The following SREBF2 variants were observed in gnomAD, a reference collection of about 807,000 sequenced individuals.
SREBF2 encodes sterol regulatory element-binding protein 2.
In SREBF2, 55 loss-of-function variants were observed where a neutral mutation model predicts 113.1. The ratio of observed to expected loss-of-function variants is 0.49; its 90% CI spans 0.39 to 0.61. The LOEUF (loss-of-function observed/expected upper bound fraction) is 0.61. Among genes scored for constraint, SREBF2 ranks in the 20% least tolerant of loss-of-function variants. The pLI is 0.00. For synonymous variants in SREBF2, 593 were observed against 605.7 expected, an observed-to-expected ratio of 0.98 and a Z score of 0.31; for missense variants, 1,349 against 1,487.4, an observed-to-expected ratio of 0.91 and a Z score of 1.53.
At chr22:41,902,827 G>A (rs965490416) in intron 16 of SREBF2, 143 bp from the exon 17 acceptor site, 23 of 899,572 alleles carry the variant, frequency 2.6e-5, no homozygotes, top group Non-Finnish European at 3.9e-5. Context: ...CACGTCCTGC[G>A]GAGTTCACCA....
chr22:41,855,913 G>C (rs73163382), intron 1 of SREBF2, among the ~76,000 whole-genome samples: 4,171 of 150,976 alleles, frequency 0.028, 96 homozygotes, highest in Admixed American at 0.071. Flanking sequence ...GTGCCACGAG[G>C]CCTGACCAAG....
chr22:41,884,328 G>C (rs539531931), intron 10 of SREBF2, among the ~76,000 whole-genome samples: 4 of 152,176 alleles, frequency 2.6e-5, no homozygotes, highest in Non-Finnish European at 5.9e-5. Context: ...GTAGAGATGG[G>C]GTTTCACTGT....
chr22:41,835,638 A>AT (rs1227521913), intron 1 of SREBF2, among the ~76,000 whole-genome samples: 2 of 141,256 alleles, frequency 1.4e-5, no homozygotes, highest in Non-Finnish European at 3.1e-5. Flanking sequence ...GAGCCACCTA[A>AT]TTTTTTTTAG....
In SREBF2 at chr22:41,868,334, T is replaced by G. The variant is rs1384950645; in HGVS notation, c.539-277T>G. ...TGATTCTCAACATCTGTTAACTCCCTTGCTGGGTGCAGTCATTTGCTGATT... is the reference window on the plus strand; with the variant it reads ...TGATTCTCAACATCTGTTAACTCCCGTGCTGGGTGCAGTCATTTGCTGATT... On this transcript the variant is annotated intron_variant, in intron 2 of 18. Transcript: ENST00000361204. Among the ~76,000 whole-genome samples the G allele has an allele frequency of 2.6e-5, 4 of 152,290 alleles. No individual in the cohort carries two copies. The East Asian group carries it at 7.7e-4, about 29-fold the overall frequency.
intron 1 of SREBF2, among the ~76,000 whole-genome samples, chr22:41,862,272 G>C (rs1293470478): frequency 1.3e-5 from 2 of 152,194 alleles, no homozygotes; most frequent in Admixed American, 6.5e-5. Context: ...TCATGGGGCT[G>C]CTTGCAATGC....
At chr22:41,870,534 C>T (rs777219645) in intron 3 of SREBF2, among the ~76,000 whole-genome samples, 11 of 148,678 alleles carry the variant, frequency 7.4e-5, no homozygotes, top group Non-Finnish European at 1.2e-4. Context: ...GCTGAGGCAG[C>T]AGGATCACTT....
intron 8 of SREBF2, 66 bp downstream of exon 8, chr22:41,877,487 G>T: frequency 6.4e-7 from 1 of 1,567,442 alleles, no homozygotes; most frequent in Non-Finnish European, 8.7e-7. Context: ...AGGACCCTGT[G>T]TACAAACTTC....
intron 1 of SREBF2, among the ~76,000 whole-genome samples, chr22:41,857,492 C>A (rs1272255755): frequency 6.6e-6 from 1 of 152,086 alleles, no homozygotes; most frequent in Non-Finnish European, 1.5e-5. Flanking sequence ...TCTTCTCATT[C>A]TGAATTGTTT....
At chr22:41,898,025 C>G (rs1189746002) in intron 14 of SREBF2, among the ~76,000 whole-genome samples, 2 of 152,164 alleles carry the variant, frequency 1.3e-5, no homozygotes, top group South Asian at 2.1e-4. Context: ...ACACTGCAGT[C>G]AAATATGTGT....
At chr22:41,854,647 T>A (rs2076961459) in intron 1 of SREBF2, among the ~76,000 whole-genome samples, 1 of 151,640 alleles carries the variant, frequency 6.6e-6, no homozygotes, top group Non-Finnish European at 1.5e-5. Context: ...GGCGGGCAGA[T>A]CACTTGAGGC....
chr22:41,867,981 G>A (rs1034306634), intron 2 of SREBF2, among the ~76,000 whole-genome samples: 2 of 152,148 alleles, frequency 1.3e-5, no homozygotes, highest in African/African-American at 4.8e-5. Context: ...TGATGAATAT[G>A]ACTTTTAATA....
Position 41,885,567 on chromosome 22 carries a change from G to T in SREBF2, c.2208+556G>T, listed in dbSNP as rs145453004. 8.2e-3 allele frequency: 1,373 copies of T among 168,022 alleles called. 10 individuals are homozygous for T. Among genetic ancestry groups the T allele is most frequent in the Middle Eastern group, 0.022 (7 of 324 alleles). The allele number at this position is 168,022 out of a possible 1,614,324, so 10.4% of individuals were successfully genotyped here. A position where few individuals can be genotyped will look rare whatever the true frequency, so the allele number is the denominator to read the frequency against. ...GGAGCTCAGGTCAGACGAGGGCAGG[G>T]ATTGTGGCTATCAAGCACCTCCCAT... On this transcript the variant is annotated intron_variant, in intron 11 of 18. Transcript: ENST00000361204.
intron 11 of SREBF2, among the ~76,000 whole-genome samples, chr22:41,890,712 A>G (rs1430808859): frequency 3.5e-4 from 53 of 151,710 alleles, no homozygotes; most frequent in Non-Finnish European, 2.9e-5. Context: ...CCAAGCCACC[A>G]GCGTGGCCAA....
chr22:41,879,744 A>G (rs190801376), intron 9 of SREBF2, among the ~76,000 whole-genome samples: 1 of 152,274 alleles, frequency 6.6e-6, no homozygotes, highest in East Asian at 1.9e-4. Context: ...ATTTACTTTC[A>G]TTTCCCAAGA....
At chr22:41,891,491 G>C (rs184274908) in intron 11 of SREBF2, 1 of 152,234 alleles carries the variant, frequency 6.6e-6, no homozygotes, top group African/African-American at 2.4e-5. Flanking sequence ...GACTCAGGCA[G>C]TGTCTCCAGG....
At chr22:41,867,909 C>CA (rs2077101359) in intron 2 of SREBF2, among the ~76,000 whole-genome samples, 1 of 152,320 alleles carries the variant, frequency 6.6e-6, no homozygotes, top group East Asian at 1.9e-4. Flanking sequence ...AGGCGGCAGC[C>CA]AGATCTCAGC....
At chr22:41,866,200 G>C (rs1399573855) in intron 1 of SREBF2, among the ~76,000 whole-genome samples, 1 of 152,148 alleles carries the variant, frequency 6.6e-6, no homozygotes, top group South Asian at 2.1e-4. Context: ...TGGTACCTTC[G>C]ACAGAACAGC....
chr22:41,895,976 CT>C (rs1372973547), intron 13 of SREBF2, among the ~76,000 whole-genome samples: 1 of 151,826 alleles, frequency 6.6e-6, no homozygotes, highest in Non-Finnish European at 1.5e-5. Context: ...ACCCCGTCTA[CT>C]AAAAATACAA....
At chr22:41,887,316 C>A (rs915219374) in intron 11 of SREBF2, among the ~76,000 whole-genome samples, 17 of 152,150 alleles carry the variant, frequency 1.1e-4, no homozygotes, top group African/African-American at 3.6e-4. Flanking sequence ...CCCTTATAGC[C>A]AGCAGACAGA....
Sources: allele counts gnomAD v4.1 joint callset (sites outside exome capture counted in the v4.1 genomes callset), GRCh38; gene constraint gnomAD v4.1.1; transcripts MANE v1.5; gene names NCBI Gene and HGNC (gene_info 2026-07-23, HGNC 2026-07-21).